The following CCSER1 variants were observed in gnomAD, a reference collection of about 807,000 sequenced individuals.
CCSER1 encodes coiled-coil serine rich protein 1.
In CCSER1, 41 loss-of-function variants were observed where a neutral mutation model predicts 82.0. The ratio of observed to expected loss-of-function variants is 0.50; its 90% CI spans 0.39 to 0.65. The LOEUF is 0.65. Among genes scored for constraint, CCSER1 ranks in the 30% least tolerant of loss-of-function variants. CCSER1 has a pLI of 0.00. For synonymous variants in CCSER1, 414 were observed against 383.9 expected, an observed-to-expected ratio of 1.08 and a Z score of -0.92; for missense variants, 1,119 against 1,064.2, an observed-to-expected ratio of 1.05 and a Z score of -0.72.
chr4:91,172,923 A>G (rs1271604004), intron 10 of CCSER1, among the ~76,000 whole-genome samples: 2 of 150,818 alleles, frequency 1.3e-5, no homozygotes, highest in Non-Finnish European at 2.9e-5. Context: ...ACAAAAGTGG[A>G]AAAAAAAGTT....
intron 10 of CCSER1, among the ~76,000 whole-genome samples, chr4:91,425,502 C>A (rs1386380217): frequency 1.3e-5 from 2 of 151,962 alleles, no homozygotes; most frequent in African/African-American, 4.8e-5. Flanking sequence ...ATAGAAGTAA[C>A]AAAGTCTTGT....
At chr4:90,967,377 A>G (rs1003137430) in intron 9 of CCSER1, among the ~76,000 whole-genome samples, 3 of 151,924 alleles carry the variant, frequency 2.0e-5, no homozygotes, top group Non-Finnish European at 4.4e-5. Context: ...TGAACCCAAG[A>G]GGTGCAGGTT....
At chr4:91,469,612 A>ACTTC in intron 10 of CCSER1, among the ~76,000 whole-genome samples, 1 of 152,238 alleles carries the variant, frequency 6.6e-6, no homozygotes, top group Admixed American at 6.5e-5. Flanking sequence ...GCCCTGGAGA[A>ACTTC]CTTCCCTAGG....
chr4:91,052,684 A>T (rs922817789), intron 9 of CCSER1, among the ~76,000 whole-genome samples: 1 of 152,174 alleles, frequency 6.6e-6, no homozygotes, highest in Non-Finnish European at 1.5e-5. Flanking sequence ...CTGTCTGTCT[A>T]TGGATAGAGA....
chr4:91,013,731 C>T lies in CCSER1; in HGVS notation c.2173-72219C>T, dbSNP rs572303151. Reference sequence around the variant, plus strand: ...CATTCTCCTGCCTCAGGCTCCCGAGCAGCTGGGACTCCAGGCACCTGTCAC... The same window carrying T: ...CATTCTCCTGCCTCAGGCTCCCGAGTAGCTGGGACTCCAGGCACCTGTCAC... On this transcript the variant is annotated intron_variant, in intron 9 of 10. Coordinates refer to ENST00000509176, the MANE Select transcript of CCSER1 (RefSeq NM_001145065.2). Among the ~76,000 whole-genome samples the T allele has an allele frequency of 7.2e-4, 91 of 126,992 alleles. 20 individuals carry two copies. Among genetic ancestry groups the T allele is most frequent in the Admixed American group, 2.1e-3 (26 of 12,594 alleles). 83.3% of individuals were successfully genotyped at this position (126,992 alleles called of 152,430 possible).
At chr4:90,297,048 A>T (rs1350105951) in intron 1 of CCSER1, among the ~76,000 whole-genome samples, 2 of 151,802 alleles carry the variant, frequency 1.3e-5, no homozygotes, top group East Asian at 3.9e-4. Context: ...TGGTAGCTTG[A>T]TGGGGATGGC....
chr4:91,245,627 TCC>T (rs1560539958), intron 10 of CCSER1, among the ~76,000 whole-genome samples: 1 of 152,186 alleles, frequency 6.6e-6, no homozygotes, highest in African/African-American at 2.4e-5. Flanking sequence ...AGGAGACCTG[TCC>T]TACAATAAAT....
At chr4:91,056,511 T>C (rs954531822) in intron 9 of CCSER1, among the ~76,000 whole-genome samples, 1 of 152,112 alleles carries the variant, frequency 6.6e-6, no homozygotes, top group Non-Finnish European at 1.5e-5. Context: ...CAAGACCTTT[T>C]ATAACAGCAT....
rs1760086935 is a variant in CCSER1 at position 91,515,885 on chromosome 4, T to C, written c.2218-82687T>C. Among the ~76,000 whole-genome samples the C allele has an allele frequency of 4.0e-5, 6 of 150,876 alleles. No homozygotes were observed. The South Asian group carries it at 1.0e-3, about 26-fold the overall frequency. Reference sequence around the variant, plus strand: ...TCTCTTTTTTTTTTTTTTTTTTGACTTCTTAATAATAGCCATTCTAACTCA... The same window carrying C: ...TCTCTTTTTTTTTTTTTTTTTTGACCTCTTAATAATAGCCATTCTAACTCA... On this transcript the variant is annotated intron_variant, in intron 10 of 10. Transcript: ENST00000509176.
intron 10 of CCSER1, among the ~76,000 whole-genome samples, chr4:91,367,317 CAAA>C (rs557952182): frequency 0.015 from 1,107 of 74,884 alleles, 10 homozygotes; most frequent in African/African-American, 0.028. Context: ...ATCCTGTCTC[CAAA>C]AAAAAAAAAA....
At chr4:90,941,980 G>T (rs552502062) in intron 9 of CCSER1, among the ~76,000 whole-genome samples, 1 of 151,612 alleles carries the variant, frequency 6.6e-6, no homozygotes, top group East Asian at 1.9e-4. Flanking sequence ...ACAAGTTCTG[G>T]CTCTCTCTCC....
chr4:90,418,393 T>G (rs921069082), intron 4 of CCSER1, among the ~76,000 whole-genome samples: 2 of 151,998 alleles, frequency 1.3e-5, no homozygotes, highest in Non-Finnish European at 2.9e-5. Context: ...TTTCTCAAAT[T>G]TTAAGTATAG....
intron 10 of CCSER1, among the ~76,000 whole-genome samples, chr4:91,141,139 G>A (rs1373041667): frequency 2.0e-5 from 3 of 151,300 alleles, no homozygotes; most frequent in Non-Finnish European, 4.4e-5. Context: ...TGCTGCAAAG[G>A]ATATGATTTC....
rs868486886 is a variant in CCSER1 at position 90,400,055 on chromosome 4, G to A, written c.1529G>A (p.Gly510Glu). Reference sequence around the variant, plus strand: ...CTTCAGGATGTTTTGAATAATTTGGGATCTTGTGAACTGGATGAAGATGAT... The same window carrying A: ...CTTCAGGATGTTTTGAATAATTTGGAATCTTGTGAACTGGATGAAGATGAT... Reference protein sequence around the residue: ...MNSLDVLNNLGSCELDEDDLM... With the variant: ...MNSLDVLNNLESCELDEDDLM... Residue 510 changes from glycine (G) to glutamate (E), a missense_variant, in exon 4 of 11, where the codon GGA becomes GAA. Gly to Glu is a moderately conservative substitution (Grantham distance 98). Coordinates refer to ENST00000509176, the MANE Select transcript of CCSER1 (RefSeq NM_001145065.2). 1 of 1,603,434 alleles carries A rather than the reference G, an allele frequency of 6.2e-7. No individual in the cohort carries two copies. The highest frequency in any genetic ancestry group is 8.5e-7 in the Non-Finnish European group (1 of 1,171,900).
At chr4:90,573,158 A>G (rs1450335147) in intron 5 of CCSER1, among the ~76,000 whole-genome samples, 1 of 152,228 alleles carries the variant, frequency 6.6e-6, no homozygotes, top group African/African-American at 2.4e-5. Context: ...TGTGGCCAAT[A>G]TGGCACATGC....
At chr4:91,544,336 T>C (rs1761770470) in intron 10 of CCSER1, among the ~76,000 whole-genome samples, 1 of 152,184 alleles carries the variant, frequency 6.6e-6, no homozygotes, top group African/African-American at 2.4e-5. Flanking sequence ...CCATCCTGCT[T>C]TGTTCTGTTG....
chr4:90,162,483 G>A (rs924955502), intron 1 of CCSER1, among the ~76,000 whole-genome samples: 3 of 151,908 alleles, frequency 2.0e-5, no homozygotes, highest in African/African-American at 7.3e-5. Flanking sequence ...CCCACTGTAT[G>A]TAAAAGTTAA....
intron 10 of CCSER1, among the ~76,000 whole-genome samples, chr4:91,209,304 A>C (rs1464759473): frequency 6.6e-6 from 1 of 151,710 alleles, no homozygotes; most frequent in Admixed American, 6.6e-5. Context: ...TTTCAAGGGG[A>C]TTCTTTCAGC....
chr4:91,383,438 G>C (rs1751067123), intron 10 of CCSER1, among the ~76,000 whole-genome samples: 1 of 151,630 alleles, frequency 6.6e-6, no homozygotes, highest in African/African-American at 2.4e-5. Flanking sequence ...CTTGTAACTA[G>C]GGAAACAGTA....
Sources: allele counts gnomAD v4.1 joint callset (sites outside exome capture counted in the v4.1 genomes callset), GRCh38; gene constraint gnomAD v4.1.1; transcripts MANE v1.5; gene names NCBI Gene and HGNC (gene_info 2026-07-23, HGNC 2026-07-21).